Variants in PAWR observed in about 807,000 individuals in gnomAD.
PAWR encodes pro-apoptotic WT1 regulator, also known as PRKC apoptosis WT1 regulator protein.
PAWR carries 23 observed loss-of-function variants against 32.0 expected under a neutral mutation model. The ratio of observed to expected loss-of-function variants is 0.72; its 90% CI spans 0.52 to 1.02. The LOEUF is 1.02. PAWR is among the 50% of genes least tolerant of loss of function. The probability of loss-of-function intolerance (pLI) is 0.00; values close to 1 mark genes in which losing one functional copy is unlikely to be tolerated. For missense variants in PAWR, 457 were observed against 437.7 expected, an observed-to-expected ratio of 1.04 and a Z score of -0.39; for synonymous variants, 226 against 187.1, an observed-to-expected ratio of 1.21 and a Z score of -1.70.
At chr12:79,608,648 T>C (rs907618349) in intron 4 of PAWR, among the ~76,000 whole-genome samples, 4 of 152,210 alleles carry the variant, frequency 2.6e-5, no homozygotes, top group African/African-American at 2.4e-5. Flanking sequence ...ATTTAAACAA[T>C]GGCAAAGATT....
At chr12:79,623,479 T>TA (rs1875127542) in intron 2 of PAWR, among the ~76,000 whole-genome samples, 1 of 149,520 alleles carries the variant, frequency 6.7e-6, no homozygotes, top group South Asian at 2.1e-4. Flanking sequence ...AATGATTTTG[T>TA]AAAAAACAAA....
At position 79,597,399 on chromosome 12, in the gene PAWR, T is replaced by A. The variant is rs374098432; in HGVS notation, c.684-741A>T. 7.2e-5 allele frequency among the ~76,000 whole-genome samples: 11 copies of A among 152,278 alleles called. 1 individual carries two copies. Among genetic ancestry groups the A allele is most frequent in the Admixed American group, 3.9e-4 (6 of 15,284 alleles). On this transcript the variant is annotated intron_variant, in intron 4 of 6. Coordinates refer to ENST00000328827, the MANE Select transcript of PAWR (RefSeq NM_002583.4). ...AGACTATGTGTGGTGAAAAACCACT[T>A]TCCTTCTTCAAAATTACAATCTTTC...
At position 79,619,729 on chromosome 12, in the gene PAWR, G is replaced by A. The variant is rs150231081; in HGVS notation, c.648+1347C>T. On this transcript the variant is annotated intron_variant, in intron 3 of 6. Coordinates refer to ENST00000328827, the MANE Select transcript of PAWR (RefSeq NM_002583.4). Reference sequence around the variant, plus strand: ...AGATCTCCCCCAAATCCTTAAGTCTGTTATACAACTGATTTCAAATATACT... The same window carrying A: ...AGATCTCCCCCAAATCCTTAAGTCTATTATACAACTGATTTCAAATATACT... Among the ~76,000 whole-genome samples, 288 of 152,204 alleles carry A rather than the reference G, an allele frequency of 1.9e-3. 1 individual carries two copies. Among genetic ancestry groups the A allele is most frequent in the Middle Eastern group, 6.8e-3 (2 of 294 alleles).
At chr12:79,659,820 TC>T (rs1877264089) in intron 2 of PAWR, among the ~76,000 whole-genome samples, 1 of 152,184 alleles carries the variant, frequency 6.6e-6, no homozygotes, top group South Asian at 2.1e-4. Flanking sequence ...TAATTTTTTT[TC>T]TCTTCTCATA....
intron 2 of PAWR, among the ~76,000 whole-genome samples, chr12:79,668,758 T>G (rs970624312): frequency 6.6e-6 from 1 of 152,212 alleles, no homozygotes; most frequent in Non-Finnish European, 1.5e-5. Context: ...TTTGCTCGCT[T>G]GCCCACTGCT....
rs369162125 is a variant in PAWR at position 79,689,826 on chromosome 12, G to A, written c.419C>T (p.Ser140Leu). The A allele has an allele frequency of 5.8e-5, 92 of 1,594,274 alleles. No homozygotes were observed. The highest frequency in any genetic ancestry group is 1.7e-4 in the Middle Eastern group (1 of 5,878). ...CTTGCCTTTCCTGGCACTGGGGCCC[G>A]AGCTCTTGCCCTTCTCTGGGACGCC... ...PDGVPEKGKS[S>L]GPSARKGKGQ... The change falls in exon 2 of 7, where the codon TCG (serine) becomes TTG (leucine). Residue 140 changes from serine to leucine, a missense_variant. Physicochemically the swap from Ser to Leu is moderately radical, Grantham distance 145. Coordinates refer to ENST00000328827, the MANE Select transcript of PAWR (RefSeq NM_002583.4).
chr12:79,690,446 C>A, intron 1 of PAWR, 55 bp from the exon 2 acceptor site: 1 of 1,145,122 alleles, frequency 8.7e-7, no homozygotes, highest in Non-Finnish European at 1.1e-6. Context: ...CCCCGCCCGA[C>A]CCAAGGGTCT....
At chr12:79,627,274 T>C (rs897673594) in intron 2 of PAWR, among the ~76,000 whole-genome samples, 2 of 152,178 alleles carry the variant, frequency 1.3e-5, no homozygotes, top group African/African-American at 4.8e-5. Context: ...TTTTTAATGA[T>C]CGCCATTCTA....
At chr12:79,616,370 T>A (rs1318980264) in intron 3 of PAWR, among the ~76,000 whole-genome samples, 5 of 152,134 alleles carry the variant, frequency 3.3e-5, no homozygotes, top group African/African-American at 1.2e-4. Context: ...AATTGCTAAA[T>A]GAGAGCAACC....
At chr12:79,663,086 T>C (rs1455148873) in intron 2 of PAWR, among the ~76,000 whole-genome samples, 1 of 152,228 alleles carries the variant, frequency 6.6e-6, no homozygotes, top group Non-Finnish European at 1.5e-5. Flanking sequence ...GTAACTATCT[T>C]ACTCCAAAAT....
intron 2 of PAWR, among the ~76,000 whole-genome samples, chr12:79,645,887 C>T (rs372691325): frequency 1.4e-4 from 21 of 152,260 alleles, no homozygotes; most frequent in African/African-American, 5.1e-4. Flanking sequence ...GTAGATAATG[C>T]CCAGGATTCA....
intron 3 of PAWR, among the ~76,000 whole-genome samples, chr12:79,614,146 G>C (rs139682296): frequency 8.7e-4 from 130 of 149,628 alleles, no homozygotes; most frequent in African/African-American, 3.0e-3. Context: ...AAGTAGCTGG[G>C]ATTACAGGCA....
At chr12:79,646,745 G>T (rs969513799) in intron 2 of PAWR, among the ~76,000 whole-genome samples, 3 of 152,046 alleles carry the variant, frequency 2.0e-5, no homozygotes, top group Non-Finnish European at 2.9e-5. Context: ...ATACAATTAG[G>T]TAGTACACAA....
chr12:79,657,710 C>T (rs542129738), intron 2 of PAWR, among the ~76,000 whole-genome samples: 6 of 151,774 alleles, frequency 4.0e-5, no homozygotes, highest in East Asian at 3.9e-4. Flanking sequence ...AGGAGAATGG[C>T]GTGAACCCGG....
intron 2 of PAWR, among the ~76,000 whole-genome samples, chr12:79,675,642 C>T (rs1276657849): frequency 6.6e-6 from 1 of 151,988 alleles, no homozygotes; most frequent in Non-Finnish European, 1.5e-5. Flanking sequence ...GAACAGAAAA[C>T]CAAATACTGC....
intron 2 of PAWR, among the ~76,000 whole-genome samples, chr12:79,676,655 T>A (rs1039143384): frequency 1.3e-5 from 2 of 152,208 alleles, no homozygotes; most frequent in African/African-American, 4.8e-5. Flanking sequence ...AGTTCTCCTG[T>A]AGCCGGATAC....
intron 2 of PAWR, among the ~76,000 whole-genome samples, chr12:79,637,809 T>TA (rs1223198176): frequency 2.0e-5 from 3 of 151,526 alleles, no homozygotes; most frequent in Admixed American, 6.6e-5. Context: ...ATTAACATCT[T>TA]AAAAAAAAGA....
intron 2 of PAWR, among the ~76,000 whole-genome samples, chr12:79,636,448 C>T (rs1875965142): frequency 6.6e-6 from 1 of 152,034 alleles, no homozygotes; most frequent in Non-Finnish European, 1.5e-5. Context: ...TCATTCACAG[C>T]TACTATTTAT....
chr12:79,620,571 G>C (rs1218132111), intron 3 of PAWR, among the ~76,000 whole-genome samples: 1 of 152,334 alleles, frequency 6.6e-6, no homozygotes, highest in Admixed American at 6.5e-5. Flanking sequence ...CCATAAAGGG[G>C]CAGCCAGAGT....
Sources: allele counts gnomAD v4.1 joint callset (sites outside exome capture counted in the v4.1 genomes callset), GRCh38; gene constraint gnomAD v4.1.1; transcripts MANE v1.5; gene names NCBI Gene and HGNC (gene_info 2026-07-23, HGNC 2026-07-21).